Variants in SPAG16 observed in about 807,000 individuals in gnomAD.
SPAG16 encodes sperm-associated antigen 16 protein.
In SPAG16, 86 loss-of-function variants were observed where a neutral mutation model predicts 80.4. The observed-to-expected ratio is 1.07, with a 90% CI of 0.90 to 1.28. SPAG16 has a LOEUF of 1.28. SPAG16 is among the 50% of genes most tolerant of loss of function. The pLI is 0.00. For synonymous variants in SPAG16, 294 were observed against 265.9 expected, an observed-to-expected ratio of 1.11 and a Z score of -1.03; for missense variants, 870 against 765.3, an observed-to-expected ratio of 1.14 and a Z score of -1.61.
chr2:214,272,903 C>T (rs138465964), intron 15 of SPAG16, among the ~76,000 whole-genome samples: 4,525 of 152,244 alleles, frequency 0.03, 96 homozygotes, highest in Non-Finnish European at 0.044. Flanking sequence ...TTTACAGTCC[C>T]ACCAACAGTG....
chr2:213,460,729 G>T (rs907683449), intron 9 of SPAG16, among the ~76,000 whole-genome samples: 4 of 152,108 alleles, frequency 2.6e-5, no homozygotes, highest in Admixed American at 1.3e-4. Context: ...ATATAAATGT[G>T]TTATGGCTTA....
At chr2:213,976,135 T>TATACACACACACACACACACAC (rs749957411) in intron 12 of SPAG16, among the ~76,000 whole-genome samples, 2 of 81,416 alleles carry the variant, frequency 2.5e-5, no homozygotes, top group Admixed American at 1.4e-4. Context: ...TATATATATA[T>TATACACACACACACACACACAC]ACACACACAC....
At chr2:213,683,735 C>A (rs115571179) in intron 10 of SPAG16, among the ~76,000 whole-genome samples, 1,519 of 151,738 alleles carry the variant, frequency 0.01, 11 homozygotes, top group South Asian at 0.02. Flanking sequence ...CCTTGTTATG[C>A]CTTAATACTG....
intron 12 of SPAG16, among the ~76,000 whole-genome samples, chr2:213,957,319 C>T (rs74858852): frequency 0.15 from 22,624 of 151,990 alleles, 2,062 homozygotes; most frequent in Non-Finnish European, 0.21. Context: ...TAAATGTTTA[C>T]AATTATTATA....
Position 213,407,311 on chromosome 2 carries a change from T to C in SPAG16, c.942+32192T>C, listed in dbSNP as rs2068665417. Among the ~76,000 whole-genome samples the C allele has an allele frequency of 2.0e-5, 3 of 151,850 alleles. No homozygotes were observed. In the South Asian group the frequency reaches 6.2e-4, roughly 31 times the overall value. ...CTTCCAGGACAGGCAAGACACCCCC[T>C]GGTTTGAGGGGTTGAGCCTTCCAGG... On this transcript the variant is annotated intron_variant, in intron 9 of 15. Coordinates refer to ENST00000331683, the MANE Select transcript of SPAG16 (RefSeq NM_024532.5).
At chr2:213,779,362 C>G (rs565111593) in intron 10 of SPAG16, among the ~76,000 whole-genome samples, 1 of 152,064 alleles carries the variant, frequency 6.6e-6, no homozygotes, top group Non-Finnish European at 1.5e-5. Flanking sequence ...ATTAGAGTAA[C>G]CTTAACCTAA....
At chr2:213,524,726 T>G (rs546836445) in intron 10 of SPAG16, among the ~76,000 whole-genome samples, 1 of 152,378 alleles carries the variant, frequency 6.6e-6, no homozygotes, top group South Asian at 2.1e-4. Context: ...TCTCCCATTT[T>G]GAATGGGTGT....
intron 15 of SPAG16, among the ~76,000 whole-genome samples, chr2:214,381,908 G>A (rs1222003823): frequency 6.6e-6 from 1 of 152,208 alleles, no homozygotes; most frequent in African/African-American, 2.4e-5. Flanking sequence ...TTAACCCTCA[G>A]CTTTGCTTTG....
chr2:213,801,532 C>T (rs2071397799), intron 10 of SPAG16, among the ~76,000 whole-genome samples: 1 of 152,160 alleles, frequency 6.6e-6, no homozygotes. Flanking sequence ...CAATGAGGCA[C>T]AGATCTTTAC....
intron 14 of SPAG16, among the ~76,000 whole-genome samples, chr2:214,140,940 G>T (rs2055321266): frequency 9.9e-6 from 1 of 100,672 alleles, no homozygotes; most frequent in Non-Finnish European, 2.1e-5. Flanking sequence ...TGGTGGGGGG[G>T]GGGGGGTGGG....
chr2:213,302,162 G>A (rs2062764154), intron 3 of SPAG16, among the ~76,000 whole-genome samples: 1 of 152,118 alleles, frequency 6.6e-6, no homozygotes, highest in Non-Finnish European at 1.5e-5. Context: ...GGTCACATGT[G>A]GCTAGAGTAA....
chr2:213,982,054 A>T (rs866224928), intron 12 of SPAG16, among the ~76,000 whole-genome samples: 3 of 151,826 alleles, frequency 2.0e-5, no homozygotes, highest in Non-Finnish European at 2.9e-5. Context: ...GATATATGTT[A>T]TAGATGAACT....
At chr2:213,465,663 T>TG (rs1447565373) in intron 9 of SPAG16, among the ~76,000 whole-genome samples, 2 of 152,140 alleles carry the variant, frequency 1.3e-5, no homozygotes, top group African/African-American at 4.8e-5. Context: ...CCAGGTTTTG[T>TG]GGGGTATAAA....
At chr2:214,181,730 A>G (rs1210212651) in intron 15 of SPAG16, among the ~76,000 whole-genome samples, 2 of 151,826 alleles carry the variant, frequency 1.3e-5, no homozygotes, top group East Asian at 1.9e-4. Flanking sequence ...TAAGATGTAA[A>G]ATTGTATATT....
At chr2:213,962,278 C>G (rs890099210) in intron 12 of SPAG16, among the ~76,000 whole-genome samples, 3 of 150,806 alleles carry the variant, frequency 2.0e-5, no homozygotes, top group Admixed American at 1.3e-4. Context: ...ACTGCAAGCT[C>G]GCCTCCTGGG....
chr2:214,321,989 T>C (rs1201794766), intron 15 of SPAG16, among the ~76,000 whole-genome samples: 1 of 152,220 alleles, frequency 6.6e-6, no homozygotes, highest in African/African-American at 2.4e-5. Context: ...TCCTTATTAA[T>C]AGATAACTTT....
chr2:214,017,394 GA>G (rs963005649), intron 13 of SPAG16, among the ~76,000 whole-genome samples: 2 of 152,142 alleles, frequency 1.3e-5, no homozygotes, highest in Non-Finnish European at 1.5e-5. Flanking sequence ...TATCCATAGA[GA>G]AAATATTAAT....
In SPAG16 at chr2:213,862,491, C is replaced by T. The variant is rs2075514019; in HGVS notation, c.1077C>T (p.Ser359=). 1.9e-6 allele frequency: 3 copies of T among 1,613,984 alleles called. No individual in the cohort carries two copies. The highest frequency in any genetic ancestry group is 2.5e-6 in the Non-Finnish European group (3 of 1,179,892). Residue 359 remains serine (S), a synonymous_variant, in exon 11 of 16, where the codon TCC becomes TCT. Coordinates refer to ENST00000331683, the MANE Select transcript of SPAG16 (RefSeq NM_024532.5). ...RLHELPVSCV[S]MQPHKDILVS... is the part of the protein sequence containing the mutation. ...TTTCTTTCTCCTCGCGCAGTGTCTCCATGCAACCCCACAAAGACATCCTAG... is the reference window on the plus strand; with the variant it reads ...TTTCTTTCTCCTCGCGCAGTGTCTCTATGCAACCCCACAAAGACATCCTAG...
At chr2:213,310,358 A>G in intron 4 of SPAG16, among the ~76,000 whole-genome samples, 181 bp downstream of exon 4, 1 of 123,576 alleles carries the variant, frequency 8.1e-6, no homozygotes, top group East Asian at 1.9e-4. Flanking sequence ...ACACACACAC[A>G]CACACACACA....
Sources: gnomAD v4.1 joint callset for allele counts (sites outside exome capture counted in the v4.1 genomes callset) on GRCh38, gnomAD v4.1.1 for gene constraint, MANE v1.5 for transcripts, NCBI Gene and HGNC (gene_info 2026-07-23, HGNC 2026-07-21) for gene names.